Variants in EED observed in about 807,000 individuals in gnomAD.
EED encodes the protein embryonic ectoderm development.
In EED, 9 loss-of-function variants were observed where a neutral mutation model predicts 61.0. The ratio of observed to expected loss-of-function variants is 0.15; its 90% confidence interval spans 0.09 to 0.26. EED has a LOEUF of 0.26. Ranked by LOEUF, EED falls within the 10% of genes least tolerant of loss-of-function variation. The pLI is 1.00. For missense variants in EED, 315 were observed against 542.3 expected (o/e 0.58, Z 4.16); for synonymous variants, 187 against 174.4 (o/e 1.07, Z -0.57).
intron 3 of EED, among the ~76,000 whole-genome samples, chr11:86,252,880 C>T (rs1220312105): frequency 6.6e-6 from 1 of 152,046 alleles, no homozygotes; most frequent in Non-Finnish European, 1.5e-5. Context: ...CCATGTCAGC[C>T]TTCTGAGTAG....
downstream of EED, among the ~76,000 whole-genome samples, chr11:86,279,477 A>C (rs1379929333): frequency 6.6e-6 from 1 of 152,196 alleles, no homozygotes; most frequent in Admixed American, 6.5e-5. Flanking sequence ...CACTGCATTT[A>C]TTTGTGGGCA....
intron 9 of EED, among the ~76,000 whole-genome samples, chr11:86,274,978 C>T (rs1386861322): frequency 6.6e-6 from 1 of 152,138 alleles, no homozygotes; most frequent in Non-Finnish European, 1.5e-5. Context: ...AAATTTTGTC[C>T]TGTTAGGCTG....
chr11:86,254,590 A>ATT (rs1243260675), intron 3 of EED, among the ~76,000 whole-genome samples: 1 of 151,668 alleles, frequency 6.6e-6, no homozygotes, highest in East Asian at 1.9e-4. Flanking sequence ...AAGTGCTGGG[A>ATT]TTAAAGACAT....
chr11:86,284,826 C>T, the EED span, among the ~76,000 whole-genome samples: 2 of 152,110 alleles, frequency 1.3e-5, no homozygotes, highest in Non-Finnish European at 2.9e-5. Context: ...AGGCAAACTC[C>T]TTGGGCCGGG....
chr11:86,245,831 G>T (rs947008066), intron 1 of EED, among the ~76,000 whole-genome samples: 12 of 152,172 alleles, frequency 7.9e-5, no homozygotes, highest in Non-Finnish European at 1.6e-4. Context: ...TATTAAAGGG[G>T]GTTTTGTGTC....
At chr11:86,266,315 T>C in intron 8 of EED, 99 bp downstream of exon 8, 1 of 1,051,592 alleles carries the variant, frequency 9.5e-7, no homozygotes, top group Non-Finnish European at 1.3e-6. Flanking sequence ...ACAATGAGTT[T>C]AGAAGACCTT....
intron 6 of EED, among the ~76,000 whole-genome samples, chr11:86,261,038 C>A (rs992871042): frequency 7.2e-5 from 11 of 152,004 alleles, no homozygotes; most frequent in Non-Finnish European, 1.5e-5. Flanking sequence ...AGTTTCCCAA[C>A]CTGCTTTTTC....
intron 6 of EED, among the ~76,000 whole-genome samples, chr11:86,262,809 C>G (rs1410896723): frequency 1.4e-5 from 2 of 140,330 alleles, no homozygotes; most frequent in East Asian, 4.3e-4. Context: ...CACACCTGGC[C>G]TGGCTTTTTT....
At chr11:86,284,940 G>A in the EED span, among the ~76,000 whole-genome samples, 1 of 151,720 alleles carries the variant, frequency 6.6e-6, no homozygotes, top group Non-Finnish European at 1.5e-5. Context: ...GTGAAACCTC[G>A]TCTCTACCAA....
chr11:86,277,389 G>A (rs553603904), intron 10 of EED: 11 of 307,240 alleles, frequency 3.6e-5, no homozygotes, highest in African/African-American at 2.1e-4. Context: ...GTGGAAATTA[G>A]GTGTTTATGT....
At chr11:86,287,453 C>T in the EED span, among the ~76,000 whole-genome samples, 2 of 152,320 alleles carry the variant, frequency 1.3e-5, no homozygotes, top group East Asian at 1.9e-4. Context: ...TAGAGCAAGA[C>T]TTCATGTGAA....
downstream of EED, among the ~76,000 whole-genome samples, chr11:86,280,442 T>C (rs1946309543): frequency 1.3e-5 from 2 of 152,200 alleles, no homozygotes; most frequent in South Asian, 4.1e-4. Flanking sequence ...GTAACATCTC[T>C]TTTCCTAATG....
intron 6 of EED, among the ~76,000 whole-genome samples, 186 bp downstream of exon 6, chr11:86,257,782 A>G (rs1326796398): frequency 6.6e-6 from 1 of 152,246 alleles, no homozygotes; most frequent in African/African-American, 2.4e-5. Flanking sequence ...TCACAGCCTT[A>G]CACAGAAAAT....
chr11:86,258,503 C>T (rs531622838), intron 6 of EED, among the ~76,000 whole-genome samples: 23 of 151,170 alleles, frequency 1.5e-4, no homozygotes, highest in African/African-American at 5.3e-4. Flanking sequence ...ACCGTAATGC[C>T]TCACTTGTTC....
intron 11 of EED, 147 bp from the exon 12 acceptor site, chr11:86,278,252 A>C (rs1201584221): frequency 7.3e-7 from 1 of 1,363,280 alleles, no homozygotes; most frequent in Admixed American, 3.2e-5. Flanking sequence ...ATAAAATTTG[A>C]GACTGAGCTC....
downstream of EED, among the ~76,000 whole-genome samples, chr11:86,279,095 T>G (rs541608058): frequency 6.6e-6 from 1 of 152,258 alleles, no homozygotes; most frequent in South Asian, 2.1e-4. Context: ...TATTGGAGAT[T>G]ATAGTTCCTA....
chr11:86,262,076 C>A (rs1484847105), intron 6 of EED, among the ~76,000 whole-genome samples: 2 of 152,138 alleles, frequency 1.3e-5, no homozygotes, highest in Admixed American at 6.5e-5. Context: ...GAGACAAGGA[C>A]TTGCTATGTT....
chr11:86,286,559 G>A, the EED span, among the ~76,000 whole-genome samples: 1 of 152,190 alleles, frequency 6.6e-6, no homozygotes, highest in African/African-American at 2.4e-5. Context: ...TTAAAGAATT[G>A]AAATGCTCCT....
intron 3 of EED, among the ~76,000 whole-genome samples, chr11:86,253,783 C>G (rs1200615821): frequency 6.6e-6 from 1 of 152,048 alleles, no homozygotes; most frequent in South Asian, 2.1e-4. Flanking sequence ...CACAGTGGCT[C>G]ACGCCTGTAA....
Sources: allele counts gnomAD v4.1 joint callset (sites outside exome capture counted in the v4.1 genomes callset), GRCh38; gene constraint gnomAD v4.1.1; transcripts MANE v1.5; gene names NCBI Gene and HGNC (gene_info 2026-07-23, HGNC 2026-07-21).